CYTH1: variants seen among roughly 807,000 people sequenced by gnomAD.
The protein encoded by CYTH1 is cytohesin 1.
Under a neutral mutation model 61.8 loss-of-function variants are expected in CYTH1, and 18 were observed. The observed-to-expected ratio is 0.29, with a 90% confidence interval of 0.20 to 0.43. The LOEUF (loss-of-function observed/expected upper bound fraction) is 0.43. CYTH1 is among the 20% of genes least tolerant of loss of function. CYTH1 has a pLI of 1.00. For synonymous variants in CYTH1, 174 were observed against 184.3 expected (o/e 0.94, Z 0.45); for missense variants, 336 against 510.5 (o/e 0.66, Z 3.29).
chr17:78,757,015 G>A (rs1261331065), intron 1 of CYTH1, among the ~76,000 whole-genome samples: 2 of 138,462 alleles, frequency 1.4e-5, no homozygotes, highest in Non-Finnish European at 3.1e-5. Context: ...TTGAGATGGA[G>A]TCTCGCTCTG....
At chr17:78,765,984 G>A (rs541503887) in intron 1 of CYTH1, among the ~76,000 whole-genome samples, 2 of 151,526 alleles carry the variant, frequency 1.3e-5, no homozygotes, top group African/African-American at 2.4e-5. Context: ...GGCTGTGCAC[G>A]GTGGCTCAAA....
chr17:78,728,420 C>T (rs962379721), intron 1 of CYTH1, among the ~76,000 whole-genome samples: 4 of 151,920 alleles, frequency 2.6e-5, no homozygotes, highest in African/African-American at 9.7e-5. Context: ...TGGCACATGC[C>T]TGTAATCCCT....
intron 13 of CYTH1, chr17:78,676,552 AGCCGTGTCACAT>A: frequency 7.0e-6 from 2 of 285,328 alleles, no homozygotes; most frequent in South Asian, 6.9e-5. Context: ...CACGTAATCA[AGCCGTGTCACAT>A]GCAGTCCTCT....
intron 1 of CYTH1, among the ~76,000 whole-genome samples, chr17:78,744,845 C>CAAAA (rs3038702): frequency 3.1e-5 from 3 of 98,154 alleles, no homozygotes; most frequent in Non-Finnish European, 2.2e-5. Context: ...GATTAGATGT[C>CAAAA]AAAAAAAAAA....
At chr17:78,679,573 T>TCA (rs1324703233) in intron 13 of CYTH1, among the ~76,000 whole-genome samples, 2 of 152,186 alleles carry the variant, frequency 1.3e-5, no homozygotes, top group Non-Finnish European at 2.9e-5. Flanking sequence ...CAGATACTTG[T>TCA]CACATGAGGA....
In CYTH1 at chr17:78,760,508, T is replaced by TATATATATGTATATATATATATACATAC. The variant is rs1567879613; in HGVS notation, c.22+21666_22+21693dup. ...ATGTATATATATATACATATATATG[T>TATATATATGTATATATATATATACATAC]ATATATATGTATATATATATATACA... On this transcript the variant is annotated intron_variant, in intron 1 of 13. Coordinates refer to ENST00000446868, the MANE Select transcript of CYTH1 (RefSeq NM_004762.6). Among the ~76,000 whole-genome samples, 19 of 46,918 alleles carry TATATATATGTATATATATATATACATAC rather than the reference T, an allele frequency of 4.0e-4. 1 individual carries two copies. Among genetic ancestry groups the TATATATATGTATATATATATATACATAC allele is most frequent in the Middle Eastern group, 9.6e-3 (1 of 104 alleles). The allele number at this position is 46,918 out of a possible 152,430, so 30.8% of individuals were successfully genotyped here. A position where few individuals can be genotyped will look rare whatever the true frequency, so the allele number is the denominator to read the frequency against.
intron 1 of CYTH1, among the ~76,000 whole-genome samples, chr17:78,747,145 CAAAAAAA>C (rs56201341): frequency 0.014 from 833 of 57,836 alleles, 5 homozygotes; most frequent in African/African-American, 0.016. Context: ...ATGGCAGCGC[CAAAAAAA>C]AAAAAAAAAA....
chr17:78,696,722 AT>A (rs1255072715), intron 9 of CYTH1: 3 of 152,296 alleles, frequency 2.0e-5, no homozygotes, highest in African/African-American at 7.2e-5. Context: ...ATGAATTTGC[AT>A]GTCATCCTGG....
At chr17:78,729,840 G>A (rs1272954203) in intron 1 of CYTH1, among the ~76,000 whole-genome samples, 2 of 152,182 alleles carry the variant, frequency 1.3e-5, no homozygotes, top group African/African-American at 4.8e-5. Context: ...GAGCTTCTGA[G>A]AAGGACACAC....
intron 1 of CYTH1, among the ~76,000 whole-genome samples, chr17:78,733,043 C>T (rs1050121844): frequency 6.5e-5 from 8 of 122,384 alleles, no homozygotes; most frequent in East Asian, 2.6e-4. Context: ...GCCAAGATCA[C>T]GCCCAGCCTG....
intron 13 of CYTH1, among the ~76,000 whole-genome samples, chr17:78,679,335 G>A (rs1280586793): frequency 6.6e-6 from 1 of 152,224 alleles, no homozygotes; most frequent in African/African-American, 2.4e-5. Flanking sequence ...GAGAGGGCAA[G>A]GCTGTGCTCT....
At chr17:78,751,830 G>A (rs962213437) in intron 1 of CYTH1, among the ~76,000 whole-genome samples, 2 of 152,176 alleles carry the variant, frequency 1.3e-5, no homozygotes, top group African/African-American at 2.4e-5. Context: ...TTTGTTTTGA[G>A]ACGGAGTCTC....
intron 1 of CYTH1, among the ~76,000 whole-genome samples, chr17:78,742,854 C>CAATA (rs1421161012): frequency 6.6e-6 from 1 of 152,038 alleles, no homozygotes; most frequent in Non-Finnish European, 1.5e-5. Context: ...GACTCCATCT[C>CAATA]AATAAATAAA....
At chr17:78,739,888 G>GT (rs1401500639) in intron 1 of CYTH1, among the ~76,000 whole-genome samples, 1 of 152,080 alleles carries the variant, frequency 6.6e-6, no homozygotes, top group Admixed American at 6.6e-5. Flanking sequence ...GAAGTCAAGG[G>GT]TGACTCCGAG....
intron 1 of CYTH1, among the ~76,000 whole-genome samples, chr17:78,743,629 C>T (rs190756361): frequency 1.1e-4 from 17 of 152,344 alleles, no homozygotes; most frequent in African/African-American, 4.1e-4. Context: ...AAATACTCAA[C>T]CCATAGTCCT....
intron 1 of CYTH1, among the ~76,000 whole-genome samples, chr17:78,735,054 C>G (rs1156352657): frequency 6.6e-6 from 1 of 152,192 alleles, no homozygotes; most frequent in Non-Finnish European, 1.5e-5. Context: ...AAGGGCAACA[C>G]TGCCTTCAGT....
chr17:78,747,679 C>A (rs1430989466), intron 1 of CYTH1, among the ~76,000 whole-genome samples: 1 of 152,156 alleles, frequency 6.6e-6, no homozygotes, highest in Non-Finnish European at 1.5e-5. Context: ...TTTCACCTGG[C>A]ACAATGTTTT....
chr17:78,699,109 G>C (rs2092979722), intron 7 of CYTH1, 141 bp from the exon 8 acceptor site: 2 of 1,000,370 alleles, frequency 2.0e-6, no homozygotes, highest in Non-Finnish European at 2.9e-6. Context: ...GCTTACACCT[G>C]TAATCCCTGC....
intron 1 of CYTH1, among the ~76,000 whole-genome samples, chr17:78,730,965 G>A (rs1275777845): frequency 1.3e-5 from 2 of 151,712 alleles, no homozygotes; most frequent in African/African-American, 2.4e-5. Context: ...CGCTCGGCAC[G>A]AAATTATCTT....
Sources: allele counts gnomAD v4.1 joint callset (sites outside exome capture counted in the v4.1 genomes callset), GRCh38; gene constraint gnomAD v4.1.1; transcripts MANE v1.5; gene names NCBI Gene and HGNC (gene_info 2026-07-23, HGNC 2026-07-21).